NME7: variants seen among roughly 807,000 people sequenced by gnomAD.
NME7 encodes nucleoside diphosphate kinase 7.
NME7 carries 41 observed loss-of-function variants against 49.1 expected under a neutral mutation model. The ratio of observed to expected loss-of-function variants is 0.83; its 90% CI spans 0.65 to 1.08. NME7 has a LOEUF of 1.08. NME7 is among the 50% of genes least tolerant of loss of function. NME7 has a pLI of 0.00. For synonymous variants in NME7, 139 were observed against 150.6 expected (o/e 0.92, Z 0.56); for missense variants, 423 against 463.4 (o/e 0.91, Z 0.80).
At chr1:169,169,867 AT>A (rs1185920603) in intron 10 of NME7, among the ~76,000 whole-genome samples, 1 of 152,238 alleles carries the variant, frequency 6.6e-6, no homozygotes, top group East Asian at 1.9e-4. Context: ...AACCAATTTG[AT>A]GCTATTGATT....
chr1:169,301,027 A>T (rs1335499150), intron 5 of NME7, among the ~76,000 whole-genome samples: 1 of 152,178 alleles, frequency 6.6e-6, no homozygotes, highest in African/African-American at 2.4e-5. Context: ...TGGCCTGGGG[A>T]AAGAATTTAT....
chr1:169,364,582 AC>A (rs1415386404), intron 1 of NME7, among the ~76,000 whole-genome samples: 3 of 152,140 alleles, frequency 2.0e-5, no homozygotes, highest in Non-Finnish European at 4.4e-5. Flanking sequence ...GGAAGGCATC[AC>A]AGAAAAGACA....
At chr1:169,317,283 C>T (rs1651679196) in intron 3 of NME7, among the ~76,000 whole-genome samples, 1 of 152,170 alleles carries the variant, frequency 6.6e-6, no homozygotes, top group Non-Finnish European at 1.5e-5. Context: ...AAATTCAACT[C>T]TAATCTGTTA....
At position 169,237,039 on chromosome 1, in the gene NME7, G is replaced by A. The variant is rs539168018; in HGVS notation, c.819+584C>T. ...AAAGGTATGACCTCTACCAAAGTGG[G>A]TGTTGTTTCTCACTGAAAGGTTTCC... is the stretch of plus-strand genomic sequence containing the variant. On this transcript the variant is annotated intron_variant, in intron 8 of 11. Transcript: ENST00000367811. 1.9e-3 allele frequency among the ~76,000 whole-genome samples: 292 copies of A among 152,170 alleles called. 4 individuals carry two copies. The highest frequency in any genetic ancestry group is 6.8e-3 in the African/African-American group (283 of 41,554).
chr1:169,241,232 A>G (rs1648073299), intron 7 of NME7, among the ~76,000 whole-genome samples: 1 of 152,088 alleles, frequency 6.6e-6, no homozygotes, highest in African/African-American at 2.4e-5. Flanking sequence ...ATTCTTAACT[A>G]AGTATGGCTT....
In NME7 at chr1:169,163,086, A is replaced by G. The variant is rs578128978; in HGVS notation, c.1098+6361T>C. Among the ~76,000 whole-genome samples, 148 of 152,278 alleles carry G rather than the reference A, an allele frequency of 9.7e-4. 1 individual carries two copies. The highest frequency in any genetic ancestry group is 1.5e-3 in the Non-Finnish European group (102 of 68,016). On this transcript the variant is annotated intron_variant, in intron 11 of 11. Transcript: ENST00000367811. ...CAAAGAAGTAGATATTATTTTCCCCACATAACAATGATTCCCAAAGATGTT... is the reference window on the plus strand; with the variant it reads ...CAAAGAAGTAGATATTATTTTCCCCGCATAACAATGATTCCCAAAGATGTT...
At chr1:169,263,766 T>C (rs1459032857) in intron 7 of NME7, among the ~76,000 whole-genome samples, 1 of 131,688 alleles carries the variant, frequency 7.6e-6, no homozygotes, top group Non-Finnish European at 1.8e-5. Context: ...CACCACAAGA[T>C]ACTTCAAGAT....
At chr1:169,307,216 G>A (rs1165752812) in intron 4 of NME7, among the ~76,000 whole-genome samples, 1 of 152,188 alleles carries the variant, frequency 6.6e-6, no homozygotes, top group Non-Finnish European at 1.5e-5. Context: ...GGGCTAAAAG[G>A]AAAGGAATGT....
Position 169,261,699 on chromosome 1 carries a change from C to T in NME7, c.755-24012G>A, listed in dbSNP as rs1348753786. Among the ~76,000 whole-genome samples, 4 of 133,456 alleles carry T rather than the reference C, an allele frequency of 3.0e-5. 2 individuals are homozygous for T. Among genetic ancestry groups the T allele is most frequent in the Admixed American group, 3.0e-4 (4 of 13,550 alleles). 87.6% of individuals were successfully genotyped at this position (133,456 alleles called of 152,430 possible). On this transcript the variant is annotated intron_variant, in intron 7 of 11. Transcript: ENST00000367811. Reference sequence around the variant, plus strand: ...TTACTAAAGGAAATGCAAGATGGTCCCTGCCCAGAATTTCTCATAAGTGGC... The same window carrying T: ...TTACTAAAGGAAATGCAAGATGGTCTCTGCCCAGAATTTCTCATAAGTGGC...
rs375013796 is a variant in NME7, at chr1:169,256,150, A to G, written c.755-18463T>C. On this transcript the variant is annotated intron_variant, in intron 7 of 11. Coordinates refer to ENST00000367811, the MANE Select transcript of NME7 (RefSeq NM_013330.5). ...GGGAAGTTCTCCTGGATAATATCCT[A>G]CAGAGTGTTTTCCAACTTGGTTCCA... 1.7e-4 allele frequency among the ~76,000 whole-genome samples: 23 copies of G among 132,936 alleles called. 3 individuals are homozygous for G. Among genetic ancestry groups the G allele is most frequent in the African/African-American group, 2.8e-4 (11 of 39,178 alleles). The allele number at this position is 132,936 out of a possible 152,430, so 87.2% of individuals were successfully genotyped here.
chr1:169,171,802 G>A (rs1413765991), intron 10 of NME7, among the ~76,000 whole-genome samples: 1 of 138,882 alleles, frequency 7.2e-6, no homozygotes, highest in Non-Finnish European at 1.6e-5. Context: ...GGTAATTCCT[G>A]GCTGTTTTTT....
In NME7 at chr1:169,275,952, T is replaced by G. The variant is rs1189211403; in HGVS notation, c.754+11351A>C. 3.0e-5 allele frequency among the ~76,000 whole-genome samples: 4 copies of G among 133,536 alleles called. 1 individual carries two copies. The highest frequency in any genetic ancestry group is 1.0e-4 in the African/African-American group (4 of 39,478). The allele number at this position is 133,536 out of a possible 152,430, so 87.6% of individuals were successfully genotyped here. On this transcript the variant is annotated intron_variant, in intron 7 of 11. Transcript: ENST00000367811. ...GCATCTATTGAGATAATCATGTGGTTTTTGTCTTTGGTTCTGTTTATATGC... is the reference window on the plus strand; with the variant it reads ...GCATCTATTGAGATAATCATGTGGTGTTTGTCTTTGGTTCTGTTTATATGC...
At chr1:169,309,841 T>C in intron 4 of NME7, 129 bp downstream of exon 4, 1 of 584,676 alleles carries the variant, frequency 1.7e-6, no homozygotes, top group Non-Finnish European at 2.9e-6. Context: ...CCATTTTGGT[T>C]AAGTTACTAT....
At chr1:169,311,285 G>T (rs1231610391) in intron 3 of NME7, among the ~76,000 whole-genome samples, 3 of 151,898 alleles carry the variant, frequency 2.0e-5, no homozygotes, top group Non-Finnish European at 4.4e-5. Flanking sequence ...AGGCAAGGTG[G>T]CGGGCTACTA....
chr1:169,142,686 C>T (rs1202229183), intron 11 of NME7, among the ~76,000 whole-genome samples: 3 of 152,172 alleles, frequency 2.0e-5, no homozygotes, highest in Non-Finnish European at 4.4e-5. Context: ...ACACATTCCT[C>T]AATGGTAAAA....
chr1:169,274,483 T>A (rs1237283895), intron 7 of NME7, among the ~76,000 whole-genome samples: 1 of 134,186 alleles, frequency 7.5e-6, no homozygotes, highest in Non-Finnish European at 1.8e-5. Flanking sequence ...AGATCCCATC[T>A]GTCAATTTTG....
intron 10 of NME7, among the ~76,000 whole-genome samples, chr1:169,203,607 C>T (rs1302416617): frequency 6.6e-6 from 1 of 152,050 alleles, no homozygotes; most frequent in Non-Finnish European, 1.5e-5. Flanking sequence ...GCTCAGTCTC[C>T]GTAGAATGGC....
chr1:169,269,057 AATAC>A (rs1417886540), intron 7 of NME7, among the ~76,000 whole-genome samples: 2 of 133,804 alleles, frequency 1.5e-5, no homozygotes, highest in African/African-American at 5.1e-5. Context: ...TCTTAAGCTT[AATAC>A]ATACTTACCT....
At chr1:169,277,130 G>T (rs938072532) in intron 7 of NME7, among the ~76,000 whole-genome samples, 2 of 150,458 alleles carry the variant, frequency 1.3e-5, no homozygotes, top group South Asian at 4.4e-4. Flanking sequence ...TTTTGGAATA[G>T]GTGTGGGGTG....
Sources: allele counts gnomAD v4.1 joint callset (sites outside exome capture counted in the v4.1 genomes callset), GRCh38; gene constraint gnomAD v4.1.1; transcripts MANE v1.5; gene names NCBI Gene and HGNC (gene_info 2026-07-23, HGNC 2026-07-21).